PPP2R5D: variants seen among roughly 807,000 people sequenced by gnomAD.
PPP2R5D encodes the protein protein phosphatase 2 regulatory subunit B'delta, also known as serine/threonine-protein phosphatase 2A 56 kDa regulatory subunit delta isoform.
A neutral mutation model predicts 79.1 loss-of-function variants in PPP2R5D; 12 were observed. The observed-to-expected ratio is 0.15, with a 90% CI of 0.10 to 0.25. The LOEUF is 0.25. Ranked by LOEUF, PPP2R5D falls within the 10% of genes least tolerant of loss-of-function variation. The pLI is 1.00. For synonymous variants in PPP2R5D, 277 were observed against 286.6 expected (o/e 0.97, Z 0.34); for missense variants, 419 against 760.2 (o/e 0.55, Z 5.28).
In PPP2R5D at chr6:43,006,475, C is replaced by A. The variant is rs1286366363; in HGVS notation, c.118C>A (p.Pro40Thr). The A allele has an allele frequency of 1.9e-6, 3 of 1,612,684 alleles. No homozygotes were observed. The highest frequency in any genetic ancestry group is 2.2e-5 in the South Asian group (2 of 91,008). Residue 40 changes from proline to threonine, a missense_variant, in exon 3 of 16, where the codon CCC (proline) becomes ACC (threonine). By Grantham distance (38) the Pro-to-Thr change is conservative. Around this residue, in one of 5 missense-constraint regions of PPP2R5D, gnomAD observed 110 missense variants for 147.6 expected, o/e 0.75. Transcript: ENST00000485511. The surrounding 1 kb of genome is among the most constrained non-coding windows in gnomAD (Gnocchi z 4.7). ...GENTEEAQPQ[P>T]QPQPQPQAQS... is the part of the protein sequence containing the mutation. ...CTTGTTTGACCAGGCCCAGCCGCAG[C>A]CCCAGCCCCAGCCCCAGCCCCAAGC...
At chr6:43,004,834 C>A (rs1271253803) in intron 2 of PPP2R5D, among the ~76,000 whole-genome samples, 1 of 151,170 alleles carries the variant, frequency 6.6e-6, no homozygotes, top group Admixed American at 6.6e-5. Context: ...TGGCTCACTG[C>A]AACCTCCTGG....
intron 2 of PPP2R5D, among the ~76,000 whole-genome samples, chr6:42,995,222 C>T (rs981765950): frequency 1.3e-5 from 2 of 150,714 alleles, no homozygotes; most frequent in African/African-American, 2.4e-5. Context: ...CCTCAACCTC[C>T]TGGGGCTCAA....
intron 2 of PPP2R5D, among the ~76,000 whole-genome samples, chr6:43,004,508 T>A (rs1761951632): frequency 1.3e-5 from 2 of 151,944 alleles, no homozygotes; most frequent in South Asian, 4.1e-4. Flanking sequence ...ATTTTCACAT[T>A]AGATTCTTTT....
At position 43,007,120 on chromosome 6, in the gene PPP2R5D, G is replaced by A. The variant is rs1309228120; in HGVS notation, c.522+10G>A. ...TGAGGCTGTCACCATGGTGGGCACAGGGAAAGGACACAGGGGGGACTGGTG... is the reference window on the plus strand; with the variant it reads ...TGAGGCTGTCACCATGGTGGGCACAAGGAAAGGACACAGGGGGGACTGGTG... On this transcript the variant is annotated intron_variant, in intron 4 of 15. Transcript: ENST00000485511. This position sits in a 1 kb window ranked among gnomAD's most constrained non-coding sequence, Gnocchi z 4.5. 1 of 1,614,058 alleles carries A rather than the reference G, an allele frequency of 6.2e-7. No individual in the cohort carries two copies. Among genetic ancestry groups the A allele is most frequent in the Non-Finnish European group, 8.5e-7 (1 of 1,180,038 alleles).
At chr6:42,995,126 CTTTTTT>C (rs889250251) in intron 2 of PPP2R5D, among the ~76,000 whole-genome samples, 3,444 of 106,396 alleles carry the variant, frequency 0.032, 209 homozygotes, top group African/African-American at 0.13. Context: ...CTTTTTCTTT[CTTTTTT>C]TTTTTTTTTT....
chr6:42,993,616 G>A (rs1771430227), intron 2 of PPP2R5D, among the ~76,000 whole-genome samples: 1 of 152,210 alleles, frequency 6.6e-6, no homozygotes, highest in African/African-American at 2.4e-5. Context: ...GATTCTGGTG[G>A]CTTTTGACAA....
In PPP2R5D at chr6:43,006,386, A is replaced by G. The variant is rs1338827960; in HGVS notation, c.106-77A>G. On this transcript the variant is annotated intron_variant, in intron 2 of 15. Coordinates refer to ENST00000485511, the MANE Select transcript of PPP2R5D (RefSeq NM_006245.4). This position sits in a 1 kb window ranked among gnomAD's most constrained non-coding sequence, Gnocchi z 4.7. ...TGCCCAGGCCTGTGCAGGCATAAAC[A>G]GACTTGGGGATGGCCAGGCCCAGGG... 3.8e-5 allele frequency: 59 copies of G among 1,544,310 alleles called. No individual in the cohort carries two copies. The highest frequency in any genetic ancestry group is 5.1e-5 in the Non-Finnish European group (58 of 1,146,156).
In PPP2R5D at chr6:42,984,628, C is replaced by T. The variant is rs1456630695; in HGVS notation, c.-50C>T. On this transcript the variant is annotated 5_prime_UTR_variant, in exon 1 of 16. Coordinates refer to ENST00000485511, the MANE Select transcript of PPP2R5D (RefSeq NM_006245.4). ...CGGGCCGAGTGCGGCCGAGCAAAGCCGGAGCCGGAGCGGGGCCGCAGGAGA... is the reference window on the plus strand; with the variant it reads ...CGGGCCGAGTGCGGCCGAGCAAAGCTGGAGCCGGAGCGGGGCCGCAGGAGA... The T allele has an allele frequency of 1.9e-6, 3 of 1,567,556 alleles. No homozygotes were observed. Among genetic ancestry groups the T allele is most frequent in the African/African-American group, 1.4e-5 (1 of 72,832 alleles).
At chr6:42,993,220 C>T (rs1239261355) in intron 2 of PPP2R5D, among the ~76,000 whole-genome samples, 3 of 151,976 alleles carry the variant, frequency 2.0e-5, no homozygotes, top group Non-Finnish European at 2.9e-5. Flanking sequence ...TCGCTTGAAC[C>T]CAAGAGCCGG....
Position 42,989,555 on chromosome 6 carries a change from A to G in PPP2R5D, c.28-56A>G. The G allele has an allele frequency of 2.9e-6, 4 of 1,402,388 alleles. No individual in the cohort carries two copies. In the South Asian group the frequency reaches 4.8e-5, roughly 17 times the overall value. 86.9% of individuals were successfully genotyped at this position (1,402,388 alleles called of 1,614,324 possible). On this transcript the variant is annotated intron_variant, in intron 1 of 15. Coordinates refer to ENST00000485511, the MANE Select transcript of PPP2R5D (RefSeq NM_006245.4). Reference sequence around the variant, plus strand: ...CAACAAAGATCTAAGGGAGCCAGATAAGACCTCTCCCTTCTCCTGGCATCT... The same window carrying G: ...CAACAAAGATCTAAGGGAGCCAGATGAGACCTCTCCCTTCTCCTGGCATCT...
At chr6:42,991,929 A>G (rs1186625734) in intron 2 of PPP2R5D, among the ~76,000 whole-genome samples, 1 of 152,180 alleles carries the variant, frequency 6.6e-6, no homozygotes, top group African/African-American at 2.4e-5. Context: ...GTTCACAGGT[A>G]TGAGATGGCA....
rs767016128 is a variant in PPP2R5D at position 43,009,471 on chromosome 6, G to A, written c.1379+22G>A. 1 of 1,613,776 alleles carries A rather than the reference G, an allele frequency of 6.2e-7. No homozygotes were observed. Among genetic ancestry groups the A allele is most frequent in the African/African-American group, 1.3e-5 (1 of 75,026 alleles). ...ACAAGTAAGGCGCTGGGGTGGGGCT[G>A]GGTGGTGGGGATCCAGTTTGGGAAA... On this transcript the variant is annotated intron_variant, in intron 12 of 15. Coordinates refer to ENST00000485511, the MANE Select transcript of PPP2R5D (RefSeq NM_006245.4). This position sits in a 1 kb window ranked among gnomAD's most constrained non-coding sequence, Gnocchi z 5.6.
chr6:43,009,188 C>T lies in PPP2R5D; in HGVS notation c.1212C>T (p.Phe404=), dbSNP rs549554712. The T allele has an allele frequency of 8.7e-6, 14 of 1,614,172 alleles. No homozygotes were observed. In the South Asian group the frequency reaches 1.5e-4, roughly 18 times the overall value. The change falls in exon 11 of 16, where the codon TTC becomes TTT. Residue 404 remains phenylalanine, a synonymous_variant. Transcript: ENST00000485511. The surrounding 1 kb of genome is among the most constrained non-coding windows in gnomAD (Gnocchi z 5.6). The stretch of plus-strand genomic sequence containing the variant: ...TCAGCAAAGTGATGGAACCCCTCTT[C>T]CGCCAGCTGGCCAAGTGTGTCTCTA... ...SEFSKVMEPL[F]RQLAKCVSSP...
intron 2 of PPP2R5D, among the ~76,000 whole-genome samples, chr6:42,994,137 T>C (rs1268505799): frequency 6.6e-6 from 1 of 151,948 alleles, no homozygotes; most frequent in Non-Finnish European, 1.5e-5. Context: ...TGAAACGCTG[T>C]CTCTACTAAA....
intron 2 of PPP2R5D, among the ~76,000 whole-genome samples, chr6:42,999,076 G>A (rs777053325): frequency 5.3e-5 from 8 of 152,156 alleles, no homozygotes; most frequent in Non-Finnish European, 1.2e-4. Flanking sequence ...AAACTGGGCA[G>A]GACAAAGTAG....
chr6:42,998,013 ATTTATATAT>A (rs1561843603), intron 2 of PPP2R5D, among the ~76,000 whole-genome samples: 716 of 38,376 alleles, frequency 0.019, 63 homozygotes, highest in African/African-American at 0.056. Context: ...TTTGGGTTTT[ATTTATATAT>A]ATATATATAT....
At chr6:42,997,726 A>G (rs184094132) in intron 2 of PPP2R5D, among the ~76,000 whole-genome samples, 71 of 150,922 alleles carry the variant, frequency 4.7e-4, no homozygotes, top group African/African-American at 1.6e-3. Flanking sequence ...TTGTATTTTT[A>G]GTAGAGACAG....
chr6:42,991,901 G>T (rs1218868865), intron 2 of PPP2R5D, among the ~76,000 whole-genome samples: 1 of 152,184 alleles, frequency 6.6e-6, no homozygotes, highest in African/African-American at 2.4e-5. Flanking sequence ...TGGGCTGTTT[G>T]GTGAAACGCT....
chr6:42,992,136 T>C (rs1236388160), intron 2 of PPP2R5D, among the ~76,000 whole-genome samples: 1 of 152,148 alleles, frequency 6.6e-6, no homozygotes, highest in Non-Finnish European at 1.5e-5. Flanking sequence ...CTTGGCTCAC[T>C]GCAAGTTCCA....
Sources: allele counts gnomAD v4.1 joint callset (sites outside exome capture counted in the v4.1 genomes callset), GRCh38; gene constraint gnomAD v4.1.1; regional missense constraint gnomAD v4.1.1; non-coding constraint Gnocchi (gnomAD v3.1); transcripts MANE v1.5; gene names NCBI Gene and HGNC (gene_info 2026-07-23, HGNC 2026-07-21).